Variants in UGT2B4 observed in about 807,000 individuals in gnomAD.
UGT2B4 encodes UDP glucuronosyltransferase family 2 member B4, also known as UDP-glucuronosyltransferase 2B4.
A neutral mutation model predicts 49.8 loss-of-function variants in UGT2B4; 49 were observed. The ratio of observed to expected loss-of-function variants is 0.98; its 90% confidence interval spans 0.78 to 1.25. The LOEUF (loss-of-function observed/expected upper bound fraction) is 1.25, where lower values mean the gene tolerates loss of function less well. Among genes scored for constraint, UGT2B4 ranks in the 50% most tolerant of loss-of-function variants. The pLI is 0.00. For synonymous variants in UGT2B4, 246 were observed against 217.7 expected, an observed-to-expected ratio of 1.13 and a Z score of -1.14; for missense variants, 729 against 627.7, an observed-to-expected ratio of 1.16 and a Z score of -1.73.
At chr4:69,516,784 T>C (rs1028340740) in intron 1 of UGT2B4, among the ~76,000 whole-genome samples, 3 of 152,014 alleles carry the variant, frequency 2.0e-5, no homozygotes, top group African/African-American at 7.2e-5. Flanking sequence ...ATTTTTGTAT[T>C]TTTAGTAGAG....
chr4:69,525,056 C>T (rs1358819621), intron 1 of UGT2B4, among the ~76,000 whole-genome samples: 4 of 152,092 alleles, frequency 2.6e-5, no homozygotes, highest in Admixed American at 2.6e-4. Flanking sequence ...AATTGGAGAC[C>T]TTACATAGCT....
At chr4:69,506,349 AAGAG>A (rs1031565882) in intron 1 of UGT2B4, among the ~76,000 whole-genome samples, 1 of 152,124 alleles carries the variant, frequency 6.6e-6, no homozygotes, top group Non-Finnish European at 1.5e-5. Context: ...ATAAAGAAAA[AAGAG>A]AGAAGATTCA....
chr4:69,494,647 C>T (rs1167741224), intron 1 of UGT2B4, among the ~76,000 whole-genome samples: 1 of 152,102 alleles, frequency 6.6e-6, no homozygotes, highest in Non-Finnish European at 1.5e-5. Flanking sequence ...ATGGAGACAT[C>T]ATTTCTCTCA....
chr4:69,514,292 A>G (rs1195083177), intron 1 of UGT2B4, among the ~76,000 whole-genome samples: 1 of 151,894 alleles, frequency 6.6e-6, no homozygotes, highest in Non-Finnish European at 1.5e-5. Flanking sequence ...CCTGTGTCCA[A>G]GTATTCTCAT....
upstream of UGT2B4, among the ~76,000 whole-genome samples, chr4:69,496,996 A>G (rs1048787636): frequency 2.0e-5 from 3 of 152,072 alleles, no homozygotes; most frequent in African/African-American, 7.2e-5. Context: ...TTCAGTATTA[A>G]TTATTACATT....
upstream of UGT2B4, among the ~76,000 whole-genome samples, chr4:69,496,978 G>A (rs1371227122): frequency 6.6e-6 from 1 of 151,398 alleles, no homozygotes; most frequent in South Asian, 2.1e-4. Flanking sequence ...AACCAAGCCT[G>A]TAGTACATTC....
intron 5 of UGT2B4, among the ~76,000 whole-genome samples, chr4:69,481,779 T>C (rs1727598750): frequency 6.6e-6 from 1 of 152,222 alleles, no homozygotes; most frequent in Admixed American, 6.5e-5. Context: ...AGAATTATCA[T>C]CTTTAAGTTT....
rs1388102122 is a variant in UGT2B4, at chr4:69,495,600, C to T, written c.262G>A (p.Asp88Asn). ...CTCTTAACCAGCTGCTTGATAATAT[C>T]CTCAAACTCAGTTTTAGTTAAAGAT... The part of the protein sequence containing the change: ...PVSLTKTEFE[D>N]IIKQLVKRWA... The change falls in exon 1 of 6, where the codon GAT becomes AAT. Residue 88 changes from aspartate (D) to asparagine (N), a missense_variant. Coordinates refer to ENST00000305107, the MANE Select transcript of UGT2B4 (RefSeq NM_021139.3). The T allele has an allele frequency of 6.2e-6, 10 of 1,613,806 alleles. No homozygotes were observed. The Admixed American group carries it at 1.3e-4, about 22-fold the overall frequency.
chr4:69,512,148 C>A (rs1728619943), intron 1 of UGT2B4, among the ~76,000 whole-genome samples: 1 of 151,200 alleles, frequency 6.6e-6, no homozygotes, highest in South Asian at 2.1e-4. Context: ...TGTATTTCAG[C>A]TCAAATATAT....
chr4:69,514,390 T>C (rs1169366793), intron 1 of UGT2B4, among the ~76,000 whole-genome samples: 2 of 152,186 alleles, frequency 1.3e-5, no homozygotes, highest in African/African-American at 2.4e-5. Flanking sequence ...GTTTTATAGA[T>C]ACCGGATTAT....
intron 3 of UGT2B4, 56 bp downstream of exon 3, chr4:69,489,383 A>C: frequency 6.3e-7 from 1 of 1,594,530 alleles, no homozygotes; most frequent in South Asian, 1.1e-5. Flanking sequence ...GGTTCTTTAC[A>C]AACTTTAACA....
chr4:69,506,055 C>T (rs2109824349), intron 1 of UGT2B4, among the ~76,000 whole-genome samples: 1 of 152,148 alleles, frequency 6.6e-6, no homozygotes, highest in Non-Finnish European at 1.5e-5. Context: ...ATGCCAAAAT[C>T]TCTAGGATAA....
intron 1 of UGT2B4, among the ~76,000 whole-genome samples, chr4:69,525,141 G>A (rs1444021489): frequency 6.6e-6 from 1 of 152,138 alleles, no homozygotes; most frequent in Non-Finnish European, 1.5e-5. Flanking sequence ...CAGTCAAAAT[G>A]TCAAGTGTTT....
At chr4:69,514,437 G>A (rs1235809393) in intron 1 of UGT2B4, among the ~76,000 whole-genome samples, 2 of 152,116 alleles carry the variant, frequency 1.3e-5, no homozygotes, top group East Asian at 3.9e-4. Context: ...TCTTCCTATT[G>A]GAATACCTTT....
intron 2 of UGT2B4, 35 bp downstream of exon 2, chr4:69,493,658 C>A (rs1396934412): frequency 8.2e-6 from 13 of 1,585,034 alleles, no homozygotes; most frequent in Non-Finnish European, 1.0e-5. Context: ...CGTACTGAAA[C>A]TTCAAAGCAG....
intron 5 of UGT2B4, among the ~76,000 whole-genome samples, chr4:69,484,319 C>T (rs564849050): frequency 5.3e-5 from 8 of 152,182 alleles, no homozygotes; most frequent in African/African-American, 1.2e-4. Context: ...AATGAAATCA[C>T]GTTCATGCAA....
At chr4:69,489,166 G>A (rs1845556) in intron 3 of UGT2B4, among the ~76,000 whole-genome samples, 63,423 of 151,782 alleles carry the variant, frequency 0.42, 13,816 homozygotes, top group South Asian at 0.62. Context: ...CCTGACCCCA[G>A]TATCATGATA....
At chr4:69,523,870 G>C (rs1167905946) in intron 1 of UGT2B4, among the ~76,000 whole-genome samples, 1 of 152,052 alleles carries the variant, frequency 6.6e-6, no homozygotes, top group Non-Finnish European at 1.5e-5. Context: ...ATAATTTTCT[G>C]CAATTTCTAC....
chr4:69,517,357 A>G (rs1728757141), intron 1 of UGT2B4, among the ~76,000 whole-genome samples: 3 of 152,202 alleles, frequency 2.0e-5, no homozygotes, highest in African/African-American at 7.2e-5. Context: ...AATGATGACC[A>G]TCTTATTTTA....
Sources: allele counts gnomAD v4.1 joint callset (sites outside exome capture counted in the v4.1 genomes callset), GRCh38; gene constraint gnomAD v4.1.1; transcripts MANE v1.5; gene names NCBI Gene and HGNC (gene_info 2026-07-23, HGNC 2026-07-21).